Variants in CKM observed in about 807,000 individuals in gnomAD.
CKM encodes creatine kinase M-type.
In CKM, 28 loss-of-function variants were observed where a neutral mutation model predicts 35.4. The observed-to-expected ratio is 0.79, with a 90% CI of 0.59 to 1.08. The LOEUF (loss-of-function observed/expected upper bound fraction) is 1.08. CKM is among the 50% of genes least tolerant of loss of function. CKM has a pLI of 0.00. For synonymous variants in CKM, 215 were observed against 204.4 expected, an observed-to-expected ratio of 1.05 and a Z score of -0.44; for missense variants, 484 against 509.8, an observed-to-expected ratio of 0.95 and a Z score of 0.49.
At position 45,308,548 on chromosome 19, in the gene CKM, G is replaced by C; in HGVS notation, c.654-16C>G. 1 of 1,613,904 alleles carries C rather than the reference G, an allele frequency of 6.2e-7. No homozygotes were observed. Among genetic ancestry groups the C allele is most frequent in the Non-Finnish European group, 8.5e-7 (1 of 1,179,896 alleles). Reference sequence around the variant, plus strand: ...GTCATTGTGCCTAGAGTAAGGTGCCGCAGCAAGAGGCCAAGGTGTCAGCCC... The same window carrying C: ...GTCATTGTGCCTAGAGTAAGGTGCCCCAGCAAGAGGCCAAGGTGTCAGCCC... On this transcript the variant is annotated splice_polypyrimidine_tract_variant and intron_variant, in intron 5 of 7. Coordinates refer to ENST00000221476, the MANE Select transcript of CKM (RefSeq NM_001824.5).
At chr19:45,311,059 C>T (rs1183479674) in intron 5 of CKM, among the ~76,000 whole-genome samples, 3 of 143,104 alleles carry the variant, frequency 2.1e-5, no homozygotes, top group African/African-American at 5.3e-5. Flanking sequence ...GGATTACAGG[C>T]GTGAGCCACC....
At chr19:45,319,792 CTTCTT>C in intron 1 of CKM, 61 bp from the exon 2 acceptor site, 1 of 1,302,054 alleles carries the variant, frequency 7.7e-7, no homozygotes, top group South Asian at 1.3e-5. Context: ...TCTTCTTCTT[CTTCTT>C]TTTTTTTTTT....
Position 45,311,778 on chromosome 19 carries a change from G to A in CKM, c.624C>T (p.Ala208=), listed in dbSNP as rs1328246197. ...VSPLLLASGM[A]RDWPDARGIW... ...TGCCACGGGCGTCGGGCCAGTCGCG[G>A]GCCATGCCTGAGGCCAGCAGCAGCG... Residue 208 remains alanine, a synonymous_variant, in exon 5 of 8, where the codon GCC becomes GCT. Coordinates refer to ENST00000221476, the MANE Select transcript of CKM (RefSeq NM_001824.5). 1 of 1,601,216 alleles carries A rather than the reference G, an allele frequency of 6.2e-7. No homozygotes were observed. The highest frequency in any genetic ancestry group is 1.7e-5 in the Admixed American group (1 of 58,380).
At chr19:45,317,622 A>G (rs1448130799) in intron 3 of CKM, among the ~76,000 whole-genome samples, 1 of 147,422 alleles carries the variant, frequency 6.8e-6, no homozygotes, top group Non-Finnish European at 1.5e-5. Flanking sequence ...GAGTTTTGCC[A>G]TGTTGGCCAG....
At position 45,315,575 on chromosome 19, in the gene CKM, T is replaced by G; in HGVS notation, c.371A>C (p.Asn124Thr). ...NLKGGDDLDP[N>T]YVLSSRVRTG... is the part of the protein sequence containing the mutation. ...GCGGACGCGGCTGCTGAGCACGTAG[T>G]TAGGGTCCAGGTCGTCTCCACCCTG... The change falls in exon 4 of 8, where the codon AAC becomes ACC. Residue 124 changes from asparagine (N) to threonine (T), a missense_variant. Coordinates refer to ENST00000221476, the MANE Select transcript of CKM (RefSeq NM_001824.5). 1 of 1,604,552 alleles carries G rather than the reference T, an allele frequency of 6.2e-7. No individual in the cohort carries two copies. Among genetic ancestry groups the G allele is most frequent in the South Asian group, 1.1e-5 (1 of 91,078 alleles).
chr19:45,306,881 C>A lies in CKM; in HGVS notation c.1015G>T (p.Ala339Ser), dbSNP rs1971057296. 4 of 1,614,194 alleles carry A rather than the reference C, an allele frequency of 2.5e-6. No homozygotes were observed. Among genetic ancestry groups the A allele is most frequent in the Non-Finnish European group, 3.4e-6 (4 of 1,180,036 alleles). ...ACTTCGGACGAGCCCAGCCGATCAG[C>A]GTTGGACACGTCAAATACTGAGCCC... ...AVGSVFDVSN[A>S]DRLGSSEVEQ... is the part of the protein sequence containing the mutation. The change falls in exon 8 of 8, where the codon GCT (alanine) becomes TCT (serine). Residue 339 changes from alanine to serine, a missense_variant. Ala to Ser is a moderately conservative substitution (Grantham distance 99). Transcript: ENST00000221476. The surrounding 1 kb of genome is among the most constrained non-coding windows in gnomAD (Gnocchi z 4.5).
chr19:45,317,669 G>A (rs12976956), intron 3 of CKM, among the ~76,000 whole-genome samples, 156 bp downstream of exon 3: 61,102 of 150,840 alleles, frequency 0.41, 14,710 homozygotes, highest in Non-Finnish European at 0.55. Context: ...TGATACGCTC[G>A]CCTCAGCCTC....
At chr19:45,310,753 G>A (rs1035753322) in intron 5 of CKM, among the ~76,000 whole-genome samples, 2 of 129,810 alleles carry the variant, frequency 1.5e-5, no homozygotes, top group South Asian at 2.6e-4. Flanking sequence ...ACGCCATCAC[G>A]CCTGGCTTTT....
chr19:45,322,576 TC>T (rs1248017719), intron 1 of CKM, among the ~76,000 whole-genome samples: 1 of 152,040 alleles, frequency 6.6e-6, no homozygotes, highest in African/African-American at 2.4e-5. Flanking sequence ...CTCGGATCCC[TC>T]CCCATAACCC....
intron 2 of CKM, among the ~76,000 whole-genome samples, chr19:45,318,598 C>T (rs191846322): frequency 3.5e-4 from 54 of 152,146 alleles, no homozygotes; most frequent in Admixed American, 2.9e-3. Flanking sequence ...GAAACATTAG[C>T]ACCCAAAGTC....
intron 1 of CKM, among the ~76,000 whole-genome samples, chr19:45,321,119 G>T (rs918814007): frequency 2.7e-5 from 4 of 150,726 alleles, no homozygotes; most frequent in African/African-American, 9.7e-5. Flanking sequence ...GGCCAGGCTG[G>T]TCTTGAACTC....
chr19:45,318,041 G>T (rs1432341096), intron 2 of CKM, 62 bp from the exon 3 acceptor site: 92 of 1,484,666 alleles, frequency 6.2e-5, no homozygotes, highest in Non-Finnish European at 8.3e-5. Context: ...TGGGCTTGTG[G>T]GCTCAGTGGA....
At chr19:45,322,697 C>G in intron 1 of CKM, 124 bp downstream of exon 1, 1 of 540,066 alleles carries the variant, frequency 1.9e-6, no homozygotes, top group Non-Finnish European at 2.4e-6. Flanking sequence ...ACCGACCTGC[C>G]TTTGTATAGG....
intron 3 of CKM, among the ~76,000 whole-genome samples, chr19:45,315,849 C>CTTTTTTTTTTTTTTTT (rs376961493): frequency 1.6e-4 from 22 of 135,620 alleles, no homozygotes; most frequent in Non-Finnish European, 1.9e-4. Flanking sequence ...ATTTCTTTTC[C>CTTTTTTTTTTTTTTTT]TTTTTTTTCT....
Position 45,317,852 on chromosome 19 carries a change from C to T in CKM, c.321G>A (p.Lys107=). The T allele has an allele frequency of 6.2e-7, 1 of 1,614,000 alleles. No homozygotes were observed. ...TGAGGTTTTCATGGTTGAGGTCAGT[C>T]TTGTGCTTGTCAGTGGGTTTGTAGC... ...HGGYKPTDKH[K]TDLNHENLKG... Residue 107 remains lysine (K), a synonymous_variant, in exon 3 of 8, where the codon AAG becomes AAA. Transcript: ENST00000221476.
In CKM at chr19:45,306,967, AG is replaced by A. The variant is rs765127784; in HGVS notation, c.968-40del. The A allele has an allele frequency of 3.1e-5, 50 of 1,607,424 alleles. No individual in the cohort carries two copies. Among genetic ancestry groups the A allele is most frequent in the Non-Finnish European group, 3.9e-5 (46 of 1,177,440 alleles). On this transcript the variant is annotated intron_variant, in intron 7 of 7. Coordinates refer to ENST00000221476, the MANE Select transcript of CKM (RefSeq NM_001824.5). The surrounding 1 kb of genome is among the most constrained non-coding windows in gnomAD (Gnocchi z 4.5). ...GGACAGGGGCGTGAAGAGGCAGCGA[AG>A]GTGCAGAGGGGCTGGGACGTGGCCC...
chr19:45,308,618 C>T, intron 5 of CKM, 86 bp from the exon 6 acceptor site: 2 of 1,559,494 alleles, frequency 1.3e-6, no homozygotes, highest in South Asian at 1.1e-5. Flanking sequence ...ATCTGCCCAC[C>T]GATGGGGGAA....
At chr19:45,319,486 T>C (rs1429089987) in intron 2 of CKM, 35 bp downstream of exon 2, 5 of 1,556,940 alleles carry the variant, frequency 3.2e-6, no homozygotes, top group Middle Eastern at 1.9e-4. Context: ...AGAGCCCCCA[T>C]GTAGCCCCTT....
intron 6 of CKM, among the ~76,000 whole-genome samples, chr19:45,308,149 C>A (rs565364170): frequency 8.6e-4 from 131 of 152,234 alleles, no homozygotes; most frequent in African/African-American, 2.9e-3. Context: ...GCGTGAGCCA[C>A]CGCTCCCGGC....
Sources: gnomAD v4.1 joint callset for allele counts (sites outside exome capture counted in the v4.1 genomes callset) on GRCh38, gnomAD v4.1.1 for gene constraint, Gnocchi (gnomAD v3.1) non-coding constraint, MANE v1.5 for transcripts, NCBI Gene and HGNC (gene_info 2026-07-23, HGNC 2026-07-21) for gene names.